The following SLC13A5 variants were observed in gnomAD, a reference collection of about 807,000 sequenced individuals.
SLC13A5 encodes the protein solute carrier family 13 member 5.
Under a neutral mutation model 56.5 loss-of-function variants are expected in SLC13A5, and 25 were observed. That is an observed-to-expected ratio of 0.44 (90% CI 0.32 to 0.62). The LOEUF is 0.62. Among genes scored for constraint, SLC13A5 ranks in the 20% least tolerant of loss-of-function variants. The probability of loss-of-function intolerance (pLI) is 0.04; values close to 1 mark genes in which losing one functional copy is unlikely to be tolerated. For synonymous variants in SLC13A5, 307 were observed against 301.5 expected (o/e 1.02, Z -0.19); for missense variants, 649 against 737.8 (o/e 0.88, Z 1.39).
In SLC13A5 at chr17:6,685,788, G is replaced by A. The variant is rs553262288; in HGVS notation, c.*419C>T. On this transcript the variant is annotated 3_prime_UTR_variant, in exon 12 of 12. Transcript: ENST00000433363. This position sits in a 1 kb window ranked among gnomAD's most constrained non-coding sequence, Gnocchi z 4.2. The stretch of plus-strand genomic sequence containing the variant: ...CTGGAAGGGACATGGGCACTGGTAG[G>A]TGGTTGTCTTAGCTCTCAACCAGGG... 2 of 173,334 alleles carry A rather than the reference G, an allele frequency of 1.2e-5. No individual in the cohort carries two copies. The highest frequency in any genetic ancestry group is 3.0e-4 in the South Asian group (2 of 6,706). 10.7% of individuals were successfully genotyped at this position (173,334 alleles called of 1,614,324 possible).
At position 6,702,954 on chromosome 17, in the gene SLC13A5, G is replaced by A; in HGVS notation, c.716+16C>T. On this transcript the variant is annotated intron_variant, in intron 5 of 11. Transcript: ENST00000433363. ...ACCCACTTCGTTGTCCCCAGAAGGT[G>A]CGACCAAGGACTCACTCGTTCATCT... 8 of 1,605,768 alleles carry A rather than the reference G, an allele frequency of 5.0e-6. No homozygotes were observed. Among genetic ancestry groups the A allele is most frequent in the Non-Finnish European group, 6.8e-6 (8 of 1,172,528 alleles).
chr17:6,710,622 G>T (rs906239572), intron 1 of SLC13A5, among the ~76,000 whole-genome samples: 2 of 152,128 alleles, frequency 1.3e-5, no homozygotes, highest in African/African-American at 4.8e-5. Context: ...GAAGTCAACA[G>T]GCTTGACCCC....
Position 6,701,067 on chromosome 17 carries a change from G to A in SLC13A5, c.776C>T (p.Pro259Leu), listed in dbSNP as rs1973699313. Reference protein sequence around the residue: ...NFASWFAFAFPNMLVMLLFAW... With the variant: ...NFASWFAFAFLNMLVMLLFAW... ...GAACAGCAGCATCACCAGCATGTTG[G>A]GAAAGGCAAATGCAAACCAGGAAGC... is the stretch of plus-strand genomic sequence containing the variant. The change falls in exon 6 of 12, where the codon CCC (proline) becomes CTC (leucine). Residue 259 changes from proline (P) to leucine (L), a missense_variant. Transcript: ENST00000433363. The surrounding 1 kb of genome is among the most constrained non-coding windows in gnomAD (Gnocchi z 4.1). 1.2e-6 allele frequency: 2 copies of A among 1,614,196 alleles called. No homozygotes were observed. The highest frequency in any genetic ancestry group is 1.7e-6 in the Non-Finnish European group (2 of 1,180,038).
In SLC13A5 at chr17:6,687,723, G is replaced by C; in HGVS notation, c.1438-57C>G. On this transcript the variant is annotated intron_variant, in intron 10 of 11. Transcript: ENST00000433363. The surrounding 1 kb of genome is among the most constrained non-coding windows in gnomAD (Gnocchi z 5.0). ...ACAGAACACAGAAGCTCTTGGGGAC[G>C]TGATTCTGAAAAGGATTCTCTGAAT... is the stretch of plus-strand genomic sequence containing the variant. The C allele has an allele frequency of 6.7e-7, 1 of 1,496,892 alleles. No homozygotes were observed. Among genetic ancestry groups the C allele is most frequent in the South Asian group, 1.4e-5 (1 of 72,618 alleles). 92.7% of individuals were successfully genotyped at this position (1,496,892 alleles called of 1,614,324 possible).
Position 6,713,144 on chromosome 17 carries a change from C to T in SLC13A5, c.102+88G>A, listed in dbSNP as rs373336193. 2.8e-5 allele frequency: 38 copies of T among 1,338,942 alleles called. No individual in the cohort carries two copies. The Admixed American group carries it at 2.9e-4, about 10-fold the overall frequency. The allele number at this position is 1,338,942 out of a possible 1,614,324, so 82.9% of individuals were successfully genotyped here. On this transcript the variant is annotated intron_variant, in intron 1 of 11. Coordinates refer to ENST00000433363, the MANE Select transcript of SLC13A5 (RefSeq NM_177550.5). This position sits in a 1 kb window ranked among gnomAD's most constrained non-coding sequence, Gnocchi z 7.3. ...AGCTGTGCTCCCCGCGAAATCCGTG[C>T]GCTCCAGCTCAGGGCTCCCGGGATC...
At chr17:6,710,893 C>T (rs9898473) in intron 1 of SLC13A5, among the ~76,000 whole-genome samples, 21,852 of 151,214 alleles carry the variant, frequency 0.14, 2,378 homozygotes, top group African/African-American at 0.3. Context: ...TACAGATTTG[C>T]AAAAAAGAAA....
Position 6,701,184 on chromosome 17 carries a change from C to G in SLC13A5, c.717-58G>C. On this transcript the variant is annotated intron_variant, in intron 5 of 11. Transcript: ENST00000433363. This position sits in a 1 kb window ranked among gnomAD's most constrained non-coding sequence, Gnocchi z 4.1. The stretch of plus-strand genomic sequence containing the variant: ...CTGAGCTGTGGGAGCCAGCCTGGCC[C>G]TGTGCGTGGGGACGGAGCAGCAGCT... The G allele has an allele frequency of 6.2e-7, 1 of 1,604,942 alleles. No homozygotes were observed. Among genetic ancestry groups the G allele is most frequent in the Non-Finnish European group, 8.5e-7 (1 of 1,175,628 alleles).
chr17:6,708,297 G>A (rs1006468898), intron 1 of SLC13A5, among the ~76,000 whole-genome samples: 2 of 152,088 alleles, frequency 1.3e-5, no homozygotes, highest in African/African-American at 2.4e-5. Flanking sequence ...GTCTCCCTGC[G>A]CCTCTTCTAT....
rs1178389857 is a variant in SLC13A5, at chr17:6,701,469, T to C, written c.717-343A>G. Among the ~76,000 whole-genome samples, 2 of 152,226 alleles carry C rather than the reference T, an allele frequency of 1.3e-5. No homozygotes were observed. Among genetic ancestry groups the C allele is most frequent in the Non-Finnish European group, 2.9e-5 (2 of 68,046 alleles). ...GCTCACGCCTGTAATTCCAGGACTC[T>C]GGGAGGCCGAGGCAGGTGGGGCACA... On this transcript the variant is annotated intron_variant, in intron 5 of 11. Transcript: ENST00000433363. This position sits in a 1 kb window ranked among gnomAD's most constrained non-coding sequence, Gnocchi z 4.1.
At position 6,687,272 on chromosome 17, in the gene SLC13A5, G is replaced by C; in HGVS notation, c.1575+257C>G. On this transcript the variant is annotated intron_variant, in intron 11 of 11. Coordinates refer to ENST00000433363, the MANE Select transcript of SLC13A5 (RefSeq NM_177550.5). This position sits in a 1 kb window ranked among gnomAD's most constrained non-coding sequence, Gnocchi z 5.0. The stretch of plus-strand genomic sequence containing the variant: ...CTTCACCCCTTCCAAGGACTCCCCT[G>C]GTGCCTGCACAGGCTTCTCCAGGTG... The C allele has an allele frequency of 2.2e-6, 1 of 454,218 alleles. No individual in the cohort carries two copies. The highest frequency in any genetic ancestry group is 2.6e-5 in the South Asian group (1 of 38,068). The allele number at this position is 454,218 out of a possible 1,614,324, so 28.1% of individuals were successfully genotyped here.
At chr17:6,707,450 C>T (rs1973901859) in intron 1 of SLC13A5, among the ~76,000 whole-genome samples, 1 of 151,752 alleles carries the variant, frequency 6.6e-6, no homozygotes, top group Admixed American at 6.6e-5. Flanking sequence ...GATTAGCTGC[C>T]TCTCAAAAGA....
In SLC13A5 at chr17:6,711,584, G is replaced by C. The variant is rs968836368; in HGVS notation, c.102+1648C>G. ...TGTGTGTTTGTGTGTCTGTGTTTGT[G>C]TGTTTGGGTGTGTGTTTGTGCGTGT... On this transcript the variant is annotated intron_variant, in intron 1 of 11. Coordinates refer to ENST00000433363, the MANE Select transcript of SLC13A5 (RefSeq NM_177550.5). This position sits in a 1 kb window ranked among gnomAD's most constrained non-coding sequence, Gnocchi z 4.0. 1.1e-4 allele frequency among the ~76,000 whole-genome samples: 17 copies of C among 151,214 alleles called. No homozygotes were observed. Among genetic ancestry groups the C allele is most frequent in the Admixed American group, 3.3e-4 (5 of 15,172 alleles).
In SLC13A5 at chr17:6,701,141, C is replaced by CG; in HGVS notation, c.717-16dup. 1.2e-6 allele frequency: 2 copies of CG among 1,612,958 alleles called. No homozygotes were observed. The highest frequency in any genetic ancestry group is 1.7e-6 in the Non-Finnish European group (2 of 1,179,530). Reference sequence around the variant, plus strand: ...CAGGAAACAACCTACAAGAAGACACCGGCCCCCACCTCAGATGCTGAGCTG... The same window carrying CG: ...CAGGAAACAACCTACAAGAAGACACCGGGCCCCCACCTCAGATGCTGAGCTG... On this transcript the variant is annotated splice_polypyrimidine_tract_variant and intron_variant, in intron 5 of 11. Transcript: ENST00000433363. The surrounding 1 kb of genome is among the most constrained non-coding windows in gnomAD (Gnocchi z 4.1).
rs1180149275 is a variant in SLC13A5, at chr17:6,686,256, T to G, written c.1658A>C (p.Asp553Ala). Residue 553 changes from aspartate (D) to alanine (A), a missense_variant, in exon 12 of 12, where the codon GAC becomes GCC. Asp to Ala is a moderately radical substitution (Grantham distance 126). Coordinates refer to ENST00000433363, the MANE Select transcript of SLC13A5 (RefSeq NM_177550.5). ...AVNTWGRAIF[D>A]LDHFPDWANV... is the part of the protein sequence containing the mutation. Reference sequence around the variant, plus strand: ...AGCCCAGTCAGGGAAATGATCCAAGTCAAATATGGCCCGTCCCCAGGTGTT... The same window carrying G: ...AGCCCAGTCAGGGAAATGATCCAAGGCAAATATGGCCCGTCCCCAGGTGTT... 2 of 1,613,880 alleles carry G rather than the reference T, an allele frequency of 1.2e-6. No homozygotes were observed. The highest frequency in any genetic ancestry group is 3.3e-5 in the Admixed American group (2 of 59,990).
At position 6,702,772 on chromosome 17, in the gene SLC13A5, G is replaced by T. The variant is rs147514246; in HGVS notation, c.716+198C>A. Among the ~76,000 whole-genome samples, 780 of 150,710 alleles carry T rather than the reference G, an allele frequency of 5.2e-3. 1 individual carries two copies. Among genetic ancestry groups the T allele is most frequent in the African/African-American group, 0.018 (733 of 41,376 alleles). ...ACATCAGCTCCCTATCCTCTCTAAG[G>T]CTTCTGTGTGGGCACAGGGGTGCCA... On this transcript the variant is annotated intron_variant, in intron 5 of 11. Coordinates refer to ENST00000433363, the MANE Select transcript of SLC13A5 (RefSeq NM_177550.5).
rs142288830 is a variant in SLC13A5, at chr17:6,696,473, G to A, written c.840-532C>T. Among the ~76,000 whole-genome samples the A allele has an allele frequency of 5.3e-3, 809 of 152,210 alleles. 9 individuals carry two copies. The highest frequency in any genetic ancestry group is 0.018 in the African/African-American group (746 of 41,530). On this transcript the variant is annotated intron_variant, in intron 6 of 11. Transcript: ENST00000433363. ...GATTAGGGATCCAGGAGACCCTGGG[G>A]TTAGCAGCAAGCATGGCTAGGGCAA...
At chr17:6,706,568 G>C in intron 3 of SLC13A5, 74 bp downstream of exon 3, 1 of 1,563,648 alleles carries the variant, frequency 6.4e-7, no homozygotes, top group African/African-American at 1.3e-5. Flanking sequence ...GGCCTGGTCT[G>C]TGCCATCCTC....
chr17:6,711,970 C>T lies in SLC13A5; in HGVS notation c.102+1262G>A, dbSNP rs1002788799. ...ACCCATCCAGGGCCTGTGCTAGGCC[C>T]ACCCAAGGGCTCCTCCCAGTCTCCC... is the stretch of plus-strand genomic sequence containing the variant. On this transcript the variant is annotated intron_variant, in intron 1 of 11. Coordinates refer to ENST00000433363, the MANE Select transcript of SLC13A5 (RefSeq NM_177550.5). The surrounding 1 kb of genome is among the most constrained non-coding windows in gnomAD (Gnocchi z 4.0). Among the ~76,000 whole-genome samples the T allele has an allele frequency of 1.3e-5, 2 of 152,128 alleles. No individual in the cohort carries two copies. Among genetic ancestry groups the T allele is most frequent in the African/African-American group, 4.8e-5 (2 of 41,400 alleles).
Position 6,687,278 on chromosome 17 carries a change from T to C in SLC13A5, c.1575+251A>G. On this transcript the variant is annotated intron_variant, in intron 11 of 11. Coordinates refer to ENST00000433363, the MANE Select transcript of SLC13A5 (RefSeq NM_177550.5). The surrounding 1 kb of genome is among the most constrained non-coding windows in gnomAD (Gnocchi z 5.0). ...CCCTTCCAAGGACTCCCCTGGTGCCTGCACAGGCTTCTCCAGGTGGGAGAG... is the reference window on the plus strand; with the variant it reads ...CCCTTCCAAGGACTCCCCTGGTGCCCGCACAGGCTTCTCCAGGTGGGAGAG... The C allele has an allele frequency of 2.1e-6, 1 of 470,026 alleles. No individual in the cohort carries two copies. The highest frequency in any genetic ancestry group is 3.7e-6 in the Non-Finnish European group (1 of 270,706). The allele number at this position is 470,026 out of a possible 1,614,324, so 29.1% of individuals were successfully genotyped here.
Sources: gnomAD v4.1 joint callset for allele counts (sites outside exome capture counted in the v4.1 genomes callset) on GRCh38, gnomAD v4.1.1 for gene constraint, Gnocchi (gnomAD v3.1) non-coding constraint, MANE v1.5 for transcripts, NCBI Gene and HGNC (gene_info 2026-07-23, HGNC 2026-07-21) for gene names.